Variants in RAB28 observed in about 807,000 individuals in gnomAD.
RAB28 encodes the protein RAB28, member RAS oncogene family.
Under a neutral mutation model 31.7 loss-of-function variants are expected in RAB28, and 24 were observed. That is an observed-to-expected ratio of 0.76 (90% CI 0.55 to 1.06). The LOEUF (loss-of-function observed/expected upper bound fraction) is 1.06. Ranked by LOEUF, RAB28 falls within the 50% of genes least tolerant of loss-of-function variation. The pLI, the probability that RAB28 is intolerant of heterozygous loss-of-function variation, is 0.00. For missense variants in RAB28, 254 were observed against 258.5 expected (o/e 0.98, Z 0.12); for synonymous variants, 100 against 90.4 (o/e 1.11, Z -0.60).
chr4:13,410,321 C>T (rs1016701320), intron 4 of RAB28, among the ~76,000 whole-genome samples: 2 of 152,076 alleles, frequency 1.3e-5, no homozygotes, highest in Admixed American at 1.3e-4. Flanking sequence ...TCCCCTAAAT[C>T]AGTCCAAGGA....
chr4:13,481,609 A>T (rs1317057068), intron 1 of RAB28, among the ~76,000 whole-genome samples: 1 of 152,090 alleles, frequency 6.6e-6, no homozygotes, highest in African/African-American at 2.4e-5. Context: ...ACAAACACTG[A>T]AAAGACAGAA....
chr4:13,466,574 G>A (rs940948578), intron 3 of RAB28, among the ~76,000 whole-genome samples: 1 of 151,814 alleles, frequency 6.6e-6, no homozygotes, highest in Non-Finnish European at 1.5e-5. Context: ...AGAGAAAAGG[G>A]ACCTCTGTAC....
intron 4 of RAB28, among the ~76,000 whole-genome samples, chr4:13,445,270 A>G (rs1714636757): frequency 1.3e-5 from 2 of 151,882 alleles, no homozygotes; most frequent in African/African-American, 4.8e-5. Flanking sequence ...TCTAGTCAGC[A>G]GCTCCTGTAA....
chr4:13,432,006 T>C (rs1713833284), intron 4 of RAB28, among the ~76,000 whole-genome samples: 1 of 151,986 alleles, frequency 6.6e-6, no homozygotes, highest in African/African-American at 2.4e-5. Flanking sequence ...GGAAACTCAC[T>C]GAGATCCAGA....
At chr4:13,383,164 T>A (rs1186969766) in intron 4 of RAB28, among the ~76,000 whole-genome samples, 1 of 152,214 alleles carries the variant, frequency 6.6e-6, no homozygotes, top group African/African-American at 2.4e-5. Context: ...GACATTTATA[T>A]ATCCAATTTA....
intron 3 of RAB28, among the ~76,000 whole-genome samples, chr4:13,471,502 C>CT (rs1008641758): frequency 8.6e-5 from 13 of 151,154 alleles, no homozygotes; most frequent in South Asian, 2.1e-4. Flanking sequence ...TATTATCATC[C>CT]TTTTTTTTTC....
chr4:13,428,074 C>A (rs966929682), intron 4 of RAB28, among the ~76,000 whole-genome samples: 4 of 152,150 alleles, frequency 2.6e-5, no homozygotes, highest in African/African-American at 9.7e-5. Context: ...GTAATCAGAA[C>A]GGAACAGAAC....
At chr4:13,433,652 A>T (rs1713941347) in intron 4 of RAB28, among the ~76,000 whole-genome samples, 2 of 152,074 alleles carry the variant, frequency 1.3e-5, no homozygotes, top group African/African-American at 4.8e-5. Flanking sequence ...AGTTAAAAAA[A>T]AATAATAGAT....
At chr4:13,479,578 T>C (rs2108977331) in intron 1 of RAB28, 52 bp from the exon 2 acceptor site, 3 of 1,158,168 alleles carry the variant, frequency 2.6e-6, no homozygotes, top group Non-Finnish European at 3.8e-6. Flanking sequence ...AGAAATGTAA[T>C]CATAAGACCA....
rs1191925852 is a variant in RAB28 at position 13,479,528 on chromosome 4, TA to T, written c.76-3del. ...AGCAAAACACGTAGTTAAGGAGGTC[TA>T]AAAAATTGATGCACAGAATGTCAAA... On this transcript the variant is annotated splice_polypyrimidine_tract_variant and splice_region_variant and intron_variant, in intron 1 of 6. Transcript: ENST00000330852. The T allele has an allele frequency of 2.5e-6, 4 of 1,574,116 alleles. No homozygotes were observed. Among genetic ancestry groups the T allele is most frequent in the South Asian group, 1.1e-5 (1 of 89,426 alleles).
chr4:13,372,692 C>CGATCA (rs1728761881), intron 6 of RAB28, among the ~76,000 whole-genome samples: 1 of 151,900 alleles, frequency 6.6e-6, no homozygotes, highest in South Asian at 2.1e-4. Context: ...AATAAACATA[C>CGATCA]TGGAGAAAAT....
chr4:13,451,539 C>G (rs1291143999), intron 4 of RAB28, among the ~76,000 whole-genome samples: 2 of 151,412 alleles, frequency 1.3e-5, no homozygotes, highest in African/African-American at 4.8e-5. Context: ...TACTTTTTCA[C>G]TCTGTTGGTT....
At chr4:13,413,877 G>A (rs1712595130) in intron 4 of RAB28, among the ~76,000 whole-genome samples, 1 of 152,134 alleles carries the variant, frequency 6.6e-6, no homozygotes, top group South Asian at 2.1e-4. Flanking sequence ...TAGAAGACAA[G>A]AACTATAGCT....
intron 4 of RAB28, among the ~76,000 whole-genome samples, chr4:13,382,475 G>T (rs1308221330): frequency 1.3e-5 from 2 of 151,530 alleles, no homozygotes; most frequent in African/African-American, 4.9e-5. Context: ...CAAATGACTT[G>T]TAAAAACTTG....
intron 4 of RAB28, among the ~76,000 whole-genome samples, chr4:13,435,148 AG>A (rs1203777427): frequency 1.3e-5 from 2 of 151,884 alleles, no homozygotes; most frequent in African/African-American, 4.8e-5. Context: ...AACAAAATTA[AG>A]GCAAAAAAAA....
intron 4 of RAB28, among the ~76,000 whole-genome samples, chr4:13,393,598 A>T (rs896691208): frequency 6.6e-6 from 1 of 152,142 alleles, no homozygotes; most frequent in African/African-American, 2.4e-5. Context: ...TTCCAAATTT[A>T]GAATCTATTC....
Position 13,417,059 on chromosome 4 carries a change from A to T in RAB28, c.392-35465T>A, listed in dbSNP as rs1229136213. 3.9e-5 allele frequency among the ~76,000 whole-genome samples: 6 copies of T among 152,356 alleles called. No homozygotes were observed. In the South Asian group the frequency reaches 8.3e-4, roughly 21 times the overall value. On this transcript the variant is annotated intron_variant, in intron 4 of 6. Coordinates refer to ENST00000330852, the MANE Select transcript of RAB28 (RefSeq NM_001017979.3). ...AATACTGCGCTTTTCCAATGGTCTT[A>T]GCAAACGGCACATCAGGAGATTATA...
rs1437932071 is a variant in RAB28, at chr4:13,484,063, C to T, written c.75+13G>A. 1 of 1,586,222 alleles carries T rather than the reference C, an allele frequency of 6.3e-7. No individual in the cohort carries two copies. Among genetic ancestry groups the T allele is most frequent in the East Asian group, 2.3e-5 (1 of 43,004 alleles). On this transcript the variant is annotated intron_variant, in intron 1 of 6. Transcript: ENST00000330852. ...CTGCAGGCCTGGGACGGCGGGCCTGCTCGAGGACTGACCTTCCCGGAGGCG... is the reference window on the plus strand; with the variant it reads ...CTGCAGGCCTGGGACGGCGGGCCTGTTCGAGGACTGACCTTCCCGGAGGCG...
intron 4 of RAB28, among the ~76,000 whole-genome samples, chr4:13,405,807 C>T (rs1323463096): frequency 6.6e-6 from 1 of 152,206 alleles, no homozygotes; most frequent in Non-Finnish European, 1.5e-5. Context: ...TATTCCTCAA[C>T]AGCCAATTCT....
Sources: gnomAD v4.1 joint callset for allele counts (sites outside exome capture counted in the v4.1 genomes callset) on GRCh38, gnomAD v4.1.1 for gene constraint, MANE v1.5 for transcripts, NCBI Gene and HGNC (gene_info 2026-07-23, HGNC 2026-07-21) for gene names.